Variants in PLEKHA7 observed in about 807,000 individuals in gnomAD.
The protein encoded by PLEKHA7 is pleckstrin homology domain containing A7.
Under a neutral mutation model 170.0 loss-of-function variants are expected in PLEKHA7, and 104 were observed. The observed-to-expected ratio is 0.61, with a 90% CI of 0.52 to 0.72. PLEKHA7 has a LOEUF of 0.72. Among genes scored for constraint, PLEKHA7 ranks in the 30% least tolerant of loss-of-function variants. The pLI, the probability that PLEKHA7 is intolerant of heterozygous loss-of-function variation, is 0.00. For missense variants in PLEKHA7, 1,615 were observed against 1,671.7 expected, an observed-to-expected ratio of 0.97 and a Z score of 0.59; for synonymous variants, 648 against 660.8, an observed-to-expected ratio of 0.98 and a Z score of 0.30.
intron 3 of PLEKHA7, among the ~76,000 whole-genome samples, chr11:16,928,364 G>A (rs890549438): frequency 6.6e-6 from 1 of 150,642 alleles, no homozygotes. Flanking sequence ...AGCTGGAACA[G>A]AATTCAATTT....
rs12285355 is a variant in PLEKHA7, at chr11:16,946,430, C to T, written c.221+67559G>A. ...TATGACCAGGCAGGATTATACCAACCTTAAAGTGGAGGGGAGGGGGGGACT... is the reference window on the plus strand; with the variant it reads ...TATGACCAGGCAGGATTATACCAACTTTAAAGTGGAGGGGAGGGGGGGACT... On this transcript the variant is annotated intron_variant, in intron 3 of 26. Transcript: ENST00000531066. 2.1e-3 allele frequency among the ~76,000 whole-genome samples: 316 copies of T among 152,284 alleles called. 2 individuals carry two copies. Among genetic ancestry groups the T allele is most frequent in the African/African-American group, 7.3e-3 (303 of 41,550 alleles).
In PLEKHA7 at chr11:17,014,261, C is replaced by T. The variant is rs572205724; in HGVS notation, c.86+55G>A. 441 of 1,394,322 alleles carry T rather than the reference C, an allele frequency of 3.2e-4. 1 individual carries two copies. The African/African-American group carries it at 4.9e-3, about 16-fold the overall frequency. The allele number at this position is 1,394,322 out of a possible 1,614,324, so 86.4% of individuals were successfully genotyped here. ...ACAGCCCGCCGGGTGCCCGCCCGGCCCCCGCCCCCGCGCCCCCACCCGCGT... is the reference window on the plus strand; with the variant it reads ...ACAGCCCGCCGGGTGCCCGCCCGGCTCCCGCCCCCGCGCCCCCACCCGCGT... On this transcript the variant is annotated intron_variant, in intron 1 of 26. Coordinates refer to ENST00000531066, the MANE Select transcript of PLEKHA7 (RefSeq NM_001329630.2).
In PLEKHA7 at chr11:16,851,213, A is replaced by C; in HGVS notation, c.674T>G (p.Ile225Arg). The change falls in exon 8 of 27, where the codon ATA becomes AGA. Residue 225 changes from isoleucine (I) to arginine (R), a missense_variant. By Grantham distance (97) the Ile-to-Arg change is moderately conservative. Transcript: ENST00000531066. ...TACCTTAAAGGAATATTTGCGGCTT[A>C]TGCGATCCTCAGGGGCCACAGGAGA... ...VISPVAPEDR[I>R]SRKYSFKAVH... 1 of 1,610,386 alleles carries C rather than the reference A, an allele frequency of 6.2e-7. No homozygotes were observed. Among genetic ancestry groups the C allele is most frequent in the South Asian group, 1.1e-5 (1 of 89,886 alleles).
intron 3 of PLEKHA7, among the ~76,000 whole-genome samples, chr11:16,900,698 G>T (rs1208592160): frequency 6.6e-6 from 1 of 152,152 alleles, no homozygotes; most frequent in Admixed American, 6.5e-5. Context: ...AAGGGAGGAG[G>T]CTTTGAGGAA....
At chr11:17,005,468 G>A (rs546634381) in intron 3 of PLEKHA7, among the ~76,000 whole-genome samples, 1 of 152,190 alleles carries the variant, frequency 6.6e-6, no homozygotes, top group Non-Finnish European at 1.5e-5. Context: ...GGAGGCAGAG[G>A]TTGCAGTGAG....
At chr11:16,983,756 T>C (rs905323075) in intron 3 of PLEKHA7, among the ~76,000 whole-genome samples, 9 of 152,284 alleles carry the variant, frequency 5.9e-5, no homozygotes, top group African/African-American at 2.2e-4. Context: ...CCAATACTCA[T>C]CACTGTCCTC....
At chr11:16,965,193 C>T (rs898795705) in intron 3 of PLEKHA7, among the ~76,000 whole-genome samples, 3 of 151,858 alleles carry the variant, frequency 2.0e-5, no homozygotes, top group South Asian at 2.1e-4. Context: ...TGTGGTAGCG[C>T]GTGCCTATAG....
chr11:16,781,434 G>C (rs980099711), intron 26 of PLEKHA7, among the ~76,000 whole-genome samples: 1 of 152,290 alleles, frequency 6.6e-6, no homozygotes, highest in East Asian at 1.9e-4. Flanking sequence ...GGCGAGAGGA[G>C]GGCATGGTAT....
intron 3 of PLEKHA7, among the ~76,000 whole-genome samples, chr11:16,895,470 G>A (rs1044839298): frequency 1.3e-5 from 2 of 152,284 alleles, no homozygotes; most frequent in South Asian, 2.1e-4. Flanking sequence ...TTTATACTGC[G>A]CCTTTCCAGA....
intron 3 of PLEKHA7, among the ~76,000 whole-genome samples, chr11:16,948,126 T>C (rs1362200599): frequency 6.6e-6 from 1 of 151,690 alleles, no homozygotes; most frequent in African/African-American, 2.4e-5. Context: ...GTAAAAAAGG[T>C]GAGCTCATAG....
chr11:16,910,900 G>A (rs1280616746), intron 3 of PLEKHA7, among the ~76,000 whole-genome samples: 1 of 152,196 alleles, frequency 6.6e-6, no homozygotes, highest in Non-Finnish European at 1.5e-5. Flanking sequence ...TCCAGGCTTG[G>A]CTCCAGCTGT....
intron 3 of PLEKHA7, among the ~76,000 whole-genome samples, chr11:16,906,273 A>AGGAAGGAAG (rs1443469524): frequency 8.6e-6 from 1 of 116,052 alleles, no homozygotes; most frequent in African/African-American, 3.4e-5. Context: ...GAAGGAAGGA[A>AGGAAGGAAG]GGAAGGAAAG....
chr11:16,994,166 G>C (rs1267631348), intron 3 of PLEKHA7, among the ~76,000 whole-genome samples: 1 of 152,186 alleles, frequency 6.6e-6, no homozygotes, highest in Non-Finnish European at 1.5e-5. Context: ...TCTGTCAGTA[G>C]GGTCAAGGCC....
At chr11:16,795,133 G>A in intron 17 of PLEKHA7, 115 bp from the exon 18 acceptor site, 1 of 749,390 alleles carries the variant, frequency 1.3e-6, no homozygotes, top group Non-Finnish European at 2.4e-6. Context: ...ATCCCCTCTG[G>A]AAACCCCACT....
At chr11:16,806,479 GA>G (rs1408281310) in intron 13 of PLEKHA7, among the ~76,000 whole-genome samples, 2 of 152,178 alleles carry the variant, frequency 1.3e-5, no homozygotes, top group African/African-American at 4.8e-5. Context: ...CATCAGAGGG[GA>G]ATCAAAGGCC....
intron 3 of PLEKHA7, among the ~76,000 whole-genome samples, chr11:16,934,105 C>A (rs552241508): frequency 6.6e-6 from 1 of 152,244 alleles, no homozygotes; most frequent in Non-Finnish European, 1.5e-5. Context: ...GATAAGTTAT[C>A]GTGCCTCCTG....
intron 23 of PLEKHA7, chr11:16,786,803 C>CA: frequency 1.0e-6 from 1 of 985,406 alleles, no homozygotes; most frequent in African/African-American, 1.7e-5. Flanking sequence ...ACACGCCCTT[C>CA]AAGGCCCTGC....
rs193016377 is a variant in PLEKHA7 at position 16,852,455 on chromosome 11, T to C, written c.523-100A>G. Reference sequence around the variant, plus strand: ...TTCCAGAACCAAATATTTGCCCATATTCACTCTTTGTTTTAATAAATTACC... The same window carrying C: ...TTCCAGAACCAAATATTTGCCCATACTCACTCTTTGTTTTAATAAATTACC... On this transcript the variant is annotated intron_variant, in intron 6 of 26. Coordinates refer to ENST00000531066, the MANE Select transcript of PLEKHA7 (RefSeq NM_001329630.2). The C allele has an allele frequency of 2.9e-5, 27 of 936,258 alleles. No homozygotes were observed. In the African/African-American group the frequency reaches 3.8e-4, roughly 13 times the overall value. 58.0% of individuals were successfully genotyped at this position (936,258 alleles called of 1,614,324 possible).
Position 16,791,201 on chromosome 11 carries a change from T to C in PLEKHA7, c.2746-2A>G. The C allele has an allele frequency of 1.3e-6, 2 of 1,585,284 alleles. No individual in the cohort carries two copies. The highest frequency in any genetic ancestry group is 1.8e-5 in the Admixed American group (1 of 56,364). On this transcript the variant is annotated splice_acceptor_variant, in intron 19 of 26. Transcript: ENST00000531066. LOFTEE classifies it high-confidence loss of function. The surrounding 1 kb of genome is among the most constrained non-coding windows in gnomAD (Gnocchi z 4.5). Reference sequence around the variant, plus strand: ...GGGCCTGGGAGGTGCTTCATCTTCCTGCTGAGAAAGAGAACCAGACCAGTG... The same window carrying C: ...GGGCCTGGGAGGTGCTTCATCTTCCCGCTGAGAAAGAGAACCAGACCAGTG...
Sources: allele counts gnomAD v4.1 joint callset (sites outside exome capture counted in the v4.1 genomes callset), GRCh38; gene constraint gnomAD v4.1.1; non-coding constraint Gnocchi (gnomAD v3.1); transcripts MANE v1.5; gene names NCBI Gene and HGNC (gene_info 2026-07-23, HGNC 2026-07-21).